The following DYNC1I1 variants were observed in gnomAD, a reference collection of about 807,000 sequenced individuals.
DYNC1I1 encodes cytoplasmic dynein 1 intermediate chain 1.
In DYNC1I1, 43 loss-of-function variants were observed where a neutral mutation model predicts 86.6. The ratio of observed to expected loss-of-function variants is 0.50; its 90% CI spans 0.39 to 0.64. The LOEUF (loss-of-function observed/expected upper bound fraction) is 0.64, where lower values mean the gene tolerates loss of function less well. Ranked by LOEUF, DYNC1I1 falls within the 30% of genes least tolerant of loss-of-function variation. The pLI is 0.00. For synonymous variants in DYNC1I1, 262 were observed against 283.7 expected (o/e 0.92, Z 0.77); for missense variants, 604 against 788.8 (o/e 0.77, Z 2.81).
intron 14 of DYNC1I1, among the ~76,000 whole-genome samples, chr7:96,062,112 T>A (rs1232149031): frequency 6.6e-6 from 1 of 152,204 alleles, no homozygotes; most frequent in Non-Finnish European, 1.5e-5. Context: ...CCTTCGCCTC[T>A]GGAGCCAGGG....
intron 14 of DYNC1I1, among the ~76,000 whole-genome samples, chr7:96,049,223 A>G (rs1348974260): frequency 2.1e-5 from 3 of 143,704 alleles, no homozygotes; most frequent in Non-Finnish European, 4.5e-5. Flanking sequence ...GTGCCACTGC[A>G]CTCCAGCCTG....
chr7:96,101,284 C>T (rs1301269758), downstream of DYNC1I1, among the ~76,000 whole-genome samples: 1 of 152,152 alleles, frequency 6.6e-6, no homozygotes. Context: ...AAACATAGAG[C>T]AAGAATGGAG....
At chr7:95,984,596 T>C (rs1161748449) in intron 7 of DYNC1I1, among the ~76,000 whole-genome samples, 3 of 152,180 alleles carry the variant, frequency 2.0e-5, no homozygotes, top group African/African-American at 7.2e-5. Flanking sequence ...AAATAATAAT[T>C]AGACCAAATA....
intron 6 of DYNC1I1, among the ~76,000 whole-genome samples, chr7:95,916,859 G>A (rs1791484128): frequency 6.6e-6 from 1 of 152,164 alleles, no homozygotes; most frequent in Admixed American, 6.5e-5. Context: ...TTCAGTCAAA[G>A]CAATCAGAAC....
intron 14 of DYNC1I1, among the ~76,000 whole-genome samples, chr7:96,053,824 T>C (rs1416408898): frequency 6.6e-6 from 1 of 152,184 alleles, no homozygotes; most frequent in Non-Finnish European, 1.5e-5. Flanking sequence ...TTACACACAA[T>C]GTGGCATGAG....
intron 6 of DYNC1I1, among the ~76,000 whole-genome samples, chr7:95,889,963 C>T (rs111602693): frequency 0.025 from 3,785 of 152,220 alleles, 132 homozygotes; most frequent in African/African-American, 0.078. Flanking sequence ...GGCAAGGTTG[C>T]GGATAAAAGA....
rs766508635 is a variant in DYNC1I1, at chr7:96,035,771, T to A, written c.1364+19T>A. The A allele has an allele frequency of 4.3e-6, 7 of 1,609,988 alleles. No individual in the cohort carries two copies. The highest frequency in any genetic ancestry group is 1.7e-4 in the Middle Eastern group (1 of 6,058). ...ATGGAAGGTGATTTTTCTGTTTCTT[T>A]ACTGATGACATGTTCTTCATTTCCG... On this transcript the variant is annotated intron_variant, in intron 13 of 16. Transcript: ENST00000447467.
At chr7:95,829,298 A>G (rs529129035) in intron 5 of DYNC1I1, among the ~76,000 whole-genome samples, 1 of 152,244 alleles carries the variant, frequency 6.6e-6, no homozygotes, top group African/African-American at 2.4e-5. Context: ...TTCTTAGCTG[A>G]TTCATGACAA....
At chr7:96,081,079 A>AAAAAAAAAAAAAAAAAAAAAAG (rs375715304) in intron 16 of DYNC1I1, among the ~76,000 whole-genome samples, 15 of 133,684 alleles carry the variant, frequency 1.1e-4, no homozygotes, top group African/African-American at 4.5e-4. Flanking sequence ...AAAAAAAAAG[A>AAAAAAAAAAAAAAAAAAAAAAG]AAAAGAAAAG....
chr7:95,970,654 G>A (rs1186694227), intron 6 of DYNC1I1, among the ~76,000 whole-genome samples: 2 of 152,120 alleles, frequency 1.3e-5, no homozygotes, highest in Non-Finnish European at 2.9e-5. Flanking sequence ...GCCATTCAAG[G>A]CCCTACGTGA....
intron 3 of DYNC1I1, among the ~76,000 whole-genome samples, chr7:95,812,071 C>T (rs548372444): frequency 4.8e-4 from 73 of 152,238 alleles, no homozygotes; most frequent in African/African-American, 1.7e-3. Flanking sequence ...TTCGACTTAC[C>T]CTCTGAGCTT....
intron 6 of DYNC1I1, among the ~76,000 whole-genome samples, chr7:95,955,302 A>T (rs1792681299): frequency 1.3e-5 from 2 of 151,974 alleles, no homozygotes; most frequent in Admixed American, 1.3e-4. Context: ...TTTGCAACAG[A>T]TTGGAAATTT....
chr7:95,909,426 T>C lies in DYNC1I1; in HGVS notation c.490+39428T>C, dbSNP rs147081660. On this transcript the variant is annotated intron_variant, in intron 6 of 16. Coordinates refer to ENST00000447467, the MANE Select transcript of DYNC1I1 (RefSeq NM_001135556.2). ...CTATTCATTTTTAAACCTGTGTTTA[T>C]TGGGCATCTTCTGTGTGACTACATT... 9.6e-4 allele frequency among the ~76,000 whole-genome samples: 146 copies of C among 152,242 alleles called. No homozygotes were observed. The East Asian group carries it at 0.014, about 15-fold the overall frequency.
Position 96,080,475 on chromosome 7 carries a change from A to G in DYNC1I1, c.1763A>G (p.Tyr588Cys), listed in dbSNP as rs1790481288. 2.5e-6 allele frequency: 4 copies of G among 1,614,142 alleles called. No individual in the cohort carries two copies. The highest frequency in any genetic ancestry group is 1.6e-4 in the Middle Eastern group (1 of 6,062). The change falls in exon 16 of 17, where the codon TAT becomes TGT. Residue 588 changes from tyrosine to cysteine, a missense_variant. Physicochemically the swap from Tyr to Cys is radical, Grantham distance 194 (BLOSUM62 -2). Coordinates refer to ENST00000447467, the MANE Select transcript of DYNC1I1 (RefSeq NM_001135556.2). ...GACTCGGAAGGCCGTATTTGGGTCT[A>G]TGACGTTGGAGAGGTACGTGTGTAT... is the stretch of plus-strand genomic sequence containing the variant. ...VGDSEGRIWV[Y>C]DVGELAVPHN...
At chr7:96,050,079 G>A (rs1225184138) in intron 14 of DYNC1I1, among the ~76,000 whole-genome samples, 1 of 148,160 alleles carries the variant, frequency 6.7e-6, no homozygotes, top group Non-Finnish European at 1.5e-5. Context: ...AACCAGAAAA[G>A]ATCAAAAGCA....
intron 6 of DYNC1I1, among the ~76,000 whole-genome samples, chr7:95,909,096 G>A (rs141652556): frequency 2.0e-5 from 3 of 150,778 alleles, no homozygotes; most frequent in East Asian, 3.9e-4. Context: ...GAGAGACTTG[G>A]GATAAAGACA....
chr7:96,078,919 A>G (rs1430226435), intron 15 of DYNC1I1, among the ~76,000 whole-genome samples: 2 of 152,162 alleles, frequency 1.3e-5, no homozygotes, highest in Admixed American at 1.3e-4. Context: ...TCAGCCTCTG[A>G]AAGATTTGGT....
rs74988118 is a variant in DYNC1I1 at position 95,876,104 on chromosome 7, G to T, written c.490+6106G>T. 3.1e-3 allele frequency among the ~76,000 whole-genome samples: 464 copies of T among 151,062 alleles called. 4 individuals are homozygous for T. The highest frequency in any genetic ancestry group is 0.011 in the African/African-American group (451 of 41,542). ...TATGGTGAATAAGATCTATTGCATGGTGGTCTCTTTTCAGATTCCCAAAAA... is the reference window on the plus strand; with the variant it reads ...TATGGTGAATAAGATCTATTGCATGTTGGTCTCTTTTCAGATTCCCAAAAA... On this transcript the variant is annotated intron_variant, in intron 6 of 16. Transcript: ENST00000447467.
At chr7:95,905,329 C>T (rs1175843580) in intron 6 of DYNC1I1, among the ~76,000 whole-genome samples, 1 of 152,182 alleles carries the variant, frequency 6.6e-6, no homozygotes, top group Non-Finnish European at 1.5e-5. Flanking sequence ...CCTTGGTCCA[C>T]TGGGTCAGTG....
Sources: gnomAD v4.1 joint callset for allele counts (sites outside exome capture counted in the v4.1 genomes callset) on GRCh38, gnomAD v4.1.1 for gene constraint, MANE v1.5 for transcripts, NCBI Gene and HGNC (gene_info 2026-07-23, HGNC 2026-07-21) for gene names.